Variants in GPM6A observed in about 807,000 individuals in gnomAD.
GPM6A encodes the protein neuronal membrane glycoprotein M6-a.
In GPM6A, 7 loss-of-function variants were observed where a neutral mutation model predicts 32.1. The ratio of observed to expected loss-of-function variants is 0.22; its 90% CI spans 0.12 to 0.41. GPM6A has a LOEUF of 0.41. Ranked by LOEUF, GPM6A falls within the 10% of genes least tolerant of loss-of-function variation. The pLI is 1.00. For synonymous variants in GPM6A, 130 were observed against 123.4 expected (o/e 1.05, Z -0.35); for missense variants, 235 against 347.2 (o/e 0.68, Z 2.57).
At chr4:175,973,805 T>G (rs1740576693) in intron 1 of GPM6A, among the ~76,000 whole-genome samples, 1 of 152,200 alleles carries the variant, frequency 6.6e-6, no homozygotes, top group African/African-American at 2.4e-5. Flanking sequence ...GGTACACATC[T>G]GCGCCACCGC....
At chr4:175,775,433 G>A (rs1733355602) in intron 1 of GPM6A, among the ~76,000 whole-genome samples, 1 of 152,076 alleles carries the variant, frequency 6.6e-6, no homozygotes, top group South Asian at 2.1e-4. Context: ...ATGGATGTGA[G>A]GAATGTTGTT....
At chr4:175,986,142 T>C (rs1486178409) in intron 1 of GPM6A, among the ~76,000 whole-genome samples, 3 of 152,188 alleles carry the variant, frequency 2.0e-5, no homozygotes, top group Admixed American at 6.5e-5. Context: ...TTTACTGAGA[T>C]GATCATATGG....
chr4:175,727,963 C>T (rs1256531767), intron 1 of GPM6A, among the ~76,000 whole-genome samples: 1 of 148,060 alleles, frequency 6.8e-6, no homozygotes, highest in Non-Finnish European at 1.5e-5. Context: ...AAGATTGTGC[C>T]ACTGCACTTC....
intron 1 of GPM6A, among the ~76,000 whole-genome samples, chr4:175,869,692 G>C (rs192535293): frequency 1.3e-5 from 2 of 152,136 alleles, no homozygotes; most frequent in East Asian, 3.9e-4. Context: ...AGGAGGCATA[G>C]GTTGCAGTGA....
chr4:175,903,247 C>T (rs1738024418), intron 1 of GPM6A, among the ~76,000 whole-genome samples: 1 of 150,978 alleles, frequency 6.6e-6, no homozygotes, highest in Admixed American at 6.6e-5. Flanking sequence ...TGTCATTTGA[C>T]TATCAAAATA....
chr4:175,658,324 G>A (rs1433184852), intron 3 of GPM6A, among the ~76,000 whole-genome samples: 2 of 151,752 alleles, frequency 1.3e-5, no homozygotes, highest in African/African-American at 2.4e-5. Flanking sequence ...ATCTGAAAAG[G>A]TCATTCACTT....
chr4:175,777,296 A>G (rs981674110), intron 1 of GPM6A, among the ~76,000 whole-genome samples: 1 of 152,126 alleles, frequency 6.6e-6, no homozygotes, highest in Non-Finnish European at 1.5e-5. Context: ...TCTTCATGAA[A>G]AATAGCACTC....
intron 3 of GPM6A, among the ~76,000 whole-genome samples, chr4:175,654,775 T>C (rs1025828991): frequency 6.6e-6 from 1 of 152,120 alleles, no homozygotes; most frequent in Admixed American, 6.5e-5. Flanking sequence ...TATTTGCAAT[T>C]GTAGATCTCA....
chr4:175,780,284 G>A (rs1274517564), intron 1 of GPM6A, among the ~76,000 whole-genome samples: 1 of 152,108 alleles, frequency 6.6e-6, no homozygotes, highest in Non-Finnish European at 1.5e-5. Flanking sequence ...CTGACCTCAG[G>A]TGATCCACCT....
chr4:175,898,877 C>T (rs80081669), intron 1 of GPM6A, among the ~76,000 whole-genome samples: 4,256 of 152,190 alleles, frequency 0.028, 200 homozygotes, highest in African/African-American at 0.096. Context: ...CACAAGGATT[C>T]GATTACTCAT....
chr4:175,680,269 T>C (rs577916494), intron 2 of GPM6A, among the ~76,000 whole-genome samples: 16 of 152,316 alleles, frequency 1.1e-4, no homozygotes, highest in African/African-American at 3.8e-4. Context: ...GGATTTTTAT[T>C]GCTTTCCTCC....
chr4:175,788,740 C>CTTA (rs1235295271), intron 1 of GPM6A, among the ~76,000 whole-genome samples: 6 of 152,058 alleles, frequency 3.9e-5, no homozygotes, highest in African/African-American at 1.4e-4. Flanking sequence ...TTTTAAAATA[C>CTTA]CAGCCAATGA....
rs1740429414 is a variant in GPM6A at position 175,633,783 on chromosome 4, T to C, written c.*1122A>G. The C allele has an allele frequency of 6.6e-6, 1 of 152,460 alleles. No individual in the cohort carries two copies. The highest frequency in any genetic ancestry group is 1.5e-5 in the Non-Finnish European group (1 of 67,946). The allele number at this position is 152,460 out of a possible 1,614,324, so 9.4% of individuals were successfully genotyped here. ...AAAACACAAATATATCACTACACTT[T>C]CAAACAATACATTCTATAGGGGCCT... On this transcript the variant is annotated 3_prime_UTR_variant, in exon 7 of 7. Transcript: ENST00000393658.
intron 1 of GPM6A, chr4:175,781,421 A>T (rs935623685): frequency 2.6e-5 from 4 of 152,132 alleles, no homozygotes; most frequent in African/African-American, 9.7e-5. Flanking sequence ...TGACATCCCT[A>T]CTTCTGGATC....
chr4:175,988,300 C>A (rs906077555), intron 1 of GPM6A, among the ~76,000 whole-genome samples: 2 of 152,086 alleles, frequency 1.3e-5, no homozygotes, highest in African/African-American at 4.8e-5. Flanking sequence ...AAGATTAAGT[C>A]CACTGAAAGC....
intron 1 of GPM6A, among the ~76,000 whole-genome samples, chr4:175,902,484 A>C (rs1737997670): frequency 6.6e-6 from 1 of 152,324 alleles, no homozygotes; most frequent in South Asian, 2.1e-4. Context: ...AGACATGTTC[A>C]ACATGCAGGC....
chr4:175,922,874 T>C (rs552381113), intron 1 of GPM6A, among the ~76,000 whole-genome samples: 59 of 152,306 alleles, frequency 3.9e-4, no homozygotes, highest in African/African-American at 1.4e-3. Context: ...TTCCTATCTT[T>C]TCTTCATTTC....
chr4:175,902,613 G>A (rs970183251), intron 1 of GPM6A, among the ~76,000 whole-genome samples: 1 of 151,994 alleles, frequency 6.6e-6, no homozygotes, highest in East Asian at 1.9e-4. Flanking sequence ...ATTCTTCCTC[G>A]CTATACAAAT....
At chr4:175,972,921 G>C (rs537423869) in intron 1 of GPM6A, among the ~76,000 whole-genome samples, 22 of 152,216 alleles carry the variant, frequency 1.4e-4, no homozygotes, top group African/African-American at 5.3e-4. Flanking sequence ...AGTCAATAGT[G>C]CTGAGCATAA....
Sources: gnomAD v4.1 joint callset for allele counts (sites outside exome capture counted in the v4.1 genomes callset) on GRCh38, gnomAD v4.1.1 for gene constraint, MANE v1.5 for transcripts, NCBI Gene and HGNC (gene_info 2026-07-23, HGNC 2026-07-21) for gene names.